Variants in TIMM23B observed in about 807,000 individuals in gnomAD.
The protein encoded by TIMM23B is mitochondrial import inner membrane translocase subunit Tim23B.
Under a neutral mutation model 27.3 loss-of-function variants are expected in TIMM23B, and 27 were observed. The observed-to-expected ratio is 0.99, with a 90% CI of 0.73 to 1.36. The LOEUF is 1.36. TIMM23B is among the 40% of genes most tolerant of loss of function. TIMM23B has a pLI of 0.00. For missense variants in TIMM23B, 205 were observed against 244.2 expected, an observed-to-expected ratio of 0.84 and a Z score of 1.07; for synonymous variants, 73 against 92.4, an observed-to-expected ratio of 0.79 and a Z score of 1.21.
intron 5 of TIMM23B, among the ~76,000 whole-genome samples, chr10:49,957,840 GCT>G (rs1326994615): frequency 6.6e-6 from 1 of 152,202 alleles, no homozygotes; most frequent in African/African-American, 2.4e-5. Context: ...AAAAGGACAT[GCT>G]CTACTACTAA....
chr10:49,970,687 A>C (rs1263256401), intron 6 of TIMM23B, among the ~76,000 whole-genome samples: 1 of 135,562 alleles, frequency 7.4e-6, no homozygotes, highest in Non-Finnish European at 1.6e-5. Context: ...CTGCCCCGCC[A>C]GCCACCCCAT....
At chr10:49,945,893 T>G (rs1297346678) in intron 2 of TIMM23B, among the ~76,000 whole-genome samples, 1 of 150,970 alleles carries the variant, frequency 6.6e-6, no homozygotes, top group African/African-American at 2.5e-5. Flanking sequence ...CTTTAATGAT[T>G]ATAAAAACAA....
chr10:49,965,786 G>C (rs1278183630), intron 6 of TIMM23B, among the ~76,000 whole-genome samples: 3 of 151,268 alleles, frequency 2.0e-5, no homozygotes, highest in Non-Finnish European at 4.4e-5. Flanking sequence ...GGGTAATGGA[G>C]CGAGTCTCCA....
chr10:49,969,264 G>A (rs1307900837), intron 6 of TIMM23B, among the ~76,000 whole-genome samples: 7 of 152,246 alleles, frequency 4.6e-5, no homozygotes, highest in Admixed American at 3.9e-4. Flanking sequence ...GGGCAATATG[G>A]TGAAACCCTG....
chr10:49,943,857 G>A (rs1460919632), intron 1 of TIMM23B, among the ~76,000 whole-genome samples: 174 of 150,590 alleles, frequency 1.2e-3, no homozygotes, highest in Non-Finnish European at 1.9e-3. Flanking sequence ...GTGCTGTAAA[G>A]GGAATAAAGC....
rs1839622817 is a variant in TIMM23B, at chr10:49,953,929, C to T, written c.345-1073C>T. Among the ~76,000 whole-genome samples the T allele has an allele frequency of 2.0e-5, 3 of 152,244 alleles. No homozygotes were observed. The South Asian group carries it at 6.2e-4, about 32-fold the overall frequency. On this transcript the variant is annotated intron_variant, in intron 4 of 6. Transcript: ENST00000651259. The stretch of plus-strand genomic sequence containing the variant: ...AAAAACCCCAATATCATATTAAATA[C>T]AAATTTGGAAGTAGATCTCCTAGAA...
At chr10:49,944,704 C>T (rs1305232541) in intron 1 of TIMM23B, among the ~76,000 whole-genome samples, 2 of 152,236 alleles carry the variant, frequency 1.3e-5, no homozygotes, top group African/African-American at 4.8e-5. Context: ...AGTCACCAAG[C>T]ATTCTTGTAG....
At chr10:49,954,768 C>T (rs1313691609) in intron 4 of TIMM23B, among the ~76,000 whole-genome samples, 63 of 146,998 alleles carry the variant, frequency 4.3e-4, no homozygotes, top group African/African-American at 1.4e-3. Flanking sequence ...TTATTAAGGA[C>T]TTATATAAAA....
intron 5 of TIMM23B, 47 bp from the exon 6 acceptor site, chr10:49,958,323 A>C (rs1839790337): frequency 5.4e-6 from 8 of 1,474,482 alleles, no homozygotes; most frequent in Non-Finnish European, 6.6e-6. Flanking sequence ...TCATAATATC[A>C]CACTTTATCA....
intron 2 of TIMM23B, among the ~76,000 whole-genome samples, chr10:49,948,815 C>T (rs1839431347): frequency 6.6e-6 from 1 of 152,162 alleles, no homozygotes; most frequent in Non-Finnish European, 1.5e-5. Flanking sequence ...ATACTAAAAA[C>T]CACTGAATTG....
intron 1 of TIMM23B, among the ~76,000 whole-genome samples, chr10:49,943,749 T>G (rs74134607): frequency 2.0e-5 from 3 of 149,730 alleles, no homozygotes; most frequent in Admixed American, 6.6e-5. Flanking sequence ...TTTTTTTTTT[T>G]TTTTTTTTTT....
intron 5 of TIMM23B, among the ~76,000 whole-genome samples, chr10:49,957,507 C>T (rs1314101940): frequency 1.3e-5 from 2 of 152,214 alleles, no homozygotes; most frequent in East Asian, 1.9e-4. Context: ...CTTCCCACCT[C>T]GGCCTCCCAG....
At chr10:49,970,658 G>T (rs1554856380) in intron 6 of TIMM23B, among the ~76,000 whole-genome samples, 2 of 150,670 alleles carry the variant, frequency 1.3e-5, no homozygotes, top group Non-Finnish European at 3.0e-5. Flanking sequence ...CCGTCCGGGA[G>T]GGAGGTGGGG....
chr10:49,964,262 G>A (rs1228806438), intron 6 of TIMM23B, among the ~76,000 whole-genome samples: 63 of 150,946 alleles, frequency 4.2e-4, no homozygotes, highest in Non-Finnish European at 1.5e-4. Context: ...GAAATGCCAG[G>A]TGTGGTGGCA....
intron 5 of TIMM23B, among the ~76,000 whole-genome samples, chr10:49,957,170 C>G (rs1258605475): frequency 1.3e-4 from 20 of 152,054 alleles, no homozygotes; most frequent in Non-Finnish European, 2.8e-4. Context: ...TCCCACAACC[C>G]CCTCTTTGGG....
chr10:49,949,296 C>T (rs1433983543), intron 2 of TIMM23B, among the ~76,000 whole-genome samples: 1 of 146,926 alleles, frequency 6.8e-6, no homozygotes, highest in Non-Finnish European at 1.5e-5. Context: ...TTCTTGTTTG[C>T]GTTAAGTGTT....
chr10:49,957,106 G>A (rs1283556765), intron 5 of TIMM23B, among the ~76,000 whole-genome samples: 1 of 151,752 alleles, frequency 6.6e-6, no homozygotes, highest in Non-Finnish European at 1.5e-5. Flanking sequence ...GATGCTGATC[G>A]CAAGCTCCAG....
chr10:49,966,441 TAATG>T (rs1359361684), intron 6 of TIMM23B, among the ~76,000 whole-genome samples: 2 of 150,904 alleles, frequency 1.3e-5, no homozygotes, highest in Non-Finnish European at 3.0e-5. Context: ...AGAAATGAAA[TAATG>T]AAATGAAATG....
Position 49,957,239 on chromosome 10 carries a change from C to A in TIMM23B, c.404-1131C>A, listed in dbSNP as rs1432243849. ...CGAGGGAACACATACTTAACATTTG[C>A]GTATTTATTATAAAGATTTTTTTTT... On this transcript the variant is annotated intron_variant, in intron 5 of 6. Transcript: ENST00000651259. 8.0e-5 allele frequency among the ~76,000 whole-genome samples: 12 copies of A among 150,568 alleles called. No homozygotes were observed. The South Asian group carries it at 2.3e-3, about 29-fold the overall frequency.
Sources: allele counts gnomAD v4.1 joint callset (sites outside exome capture counted in the v4.1 genomes callset), GRCh38; gene constraint gnomAD v4.1.1; transcripts MANE v1.5; gene names NCBI Gene and HGNC (gene_info 2026-07-23, HGNC 2026-07-21).